SDK1: variants seen among roughly 807,000 people sequenced by gnomAD.
The protein encoded by SDK1 is sidekick cell adhesion molecule 1, also known as protein sidekick-1.
SDK1 carries 157 observed loss-of-function variants against 245.5 expected under a neutral mutation model. The observed-to-expected ratio is 0.64, with a 90% CI of 0.56 to 0.73. SDK1 has a LOEUF of 0.73. SDK1 is among the 30% of genes least tolerant of loss of function. The pLI is 0.00. For synonymous variants in SDK1, 1,647 were observed against 1,278.5 expected (o/e 1.29, Z -6.15); for missense variants, 3,583 against 3,002.3 (o/e 1.19, Z -4.52).
At chr7:3,664,795 G>T (rs559969611) in intron 4 of SDK1, among the ~76,000 whole-genome samples, 2 of 151,782 alleles carry the variant, frequency 1.3e-5, no homozygotes, top group South Asian at 2.1e-4. Flanking sequence ...CTTTTGGTCT[G>T]CTTTCAAATC....
At chr7:3,424,109 A>T (rs1161118594) in intron 1 of SDK1, among the ~76,000 whole-genome samples, 2 of 152,064 alleles carry the variant, frequency 1.3e-5, no homozygotes, top group African/African-American at 4.8e-5. Context: ...ATGGGGTTTC[A>T]CCATGTTTGC....
chr7:4,182,641 A>G (rs758016911), intron 35 of SDK1, among the ~76,000 whole-genome samples: 4 of 152,162 alleles, frequency 2.6e-5, no homozygotes, highest in Non-Finnish European at 4.4e-5. Context: ...GAAGGAACCT[A>G]TGGTCTCTGT....
chr7:4,134,098 C>T (rs755777023), intron 28 of SDK1, among the ~76,000 whole-genome samples: 7 of 152,226 alleles, frequency 4.6e-5, no homozygotes, highest in South Asian at 4.2e-4. Flanking sequence ...GAAGGGTGGA[C>T]GGAAAGTCAG....
chr7:3,676,364 C>T (rs1056502739), intron 4 of SDK1, among the ~76,000 whole-genome samples: 12 of 142,416 alleles, frequency 8.4e-5, no homozygotes, highest in Admixed American at 7.5e-5. Context: ...CTTGCTCTGT[C>T]GCCCAGGCTG....
chr7:4,136,911 G>C (rs1324683157), intron 28 of SDK1, among the ~76,000 whole-genome samples: 1 of 152,212 alleles, frequency 6.6e-6, no homozygotes, highest in African/African-American at 2.4e-5. Context: ...AAACCCACAG[G>C]CCACGGCATC....
chr7:3,780,713 A>G (rs192012173), intron 4 of SDK1, among the ~76,000 whole-genome samples: 15 of 152,238 alleles, frequency 9.9e-5, no homozygotes, highest in Admixed American at 9.8e-4. Flanking sequence ...ACCTAGCTAG[A>G]AAGCCCACCC....
intron 23 of SDK1, among the ~76,000 whole-genome samples, chr7:4,111,910 C>A (rs900201068): frequency 6.6e-6 from 1 of 152,146 alleles, no homozygotes; most frequent in Non-Finnish European, 1.5e-5. Flanking sequence ...ACATTGAACT[C>A]CACCTTCATT....
intron 1 of SDK1, among the ~76,000 whole-genome samples, chr7:3,494,820 C>T (rs771725794): frequency 3.3e-5 from 5 of 152,178 alleles, no homozygotes; most frequent in Admixed American, 6.5e-5. Flanking sequence ...TTTCTACACA[C>T]GGTTTATTTG....
chr7:4,190,650 C>CTG (rs1308596718), intron 35 of SDK1, among the ~76,000 whole-genome samples: 1 of 152,278 alleles, frequency 6.6e-6, no homozygotes, highest in Non-Finnish European at 1.5e-5. Flanking sequence ...CCACAGCAGG[C>CTG]TGTGCACAGG....
intron 5 of SDK1, among the ~76,000 whole-genome samples, chr7:3,871,718 A>G (rs1199338418): frequency 1.3e-5 from 2 of 152,168 alleles, no homozygotes; most frequent in East Asian, 1.9e-4. Flanking sequence ...AACTAAGTAT[A>G]GTGAATGACC....
chr7:3,587,947 G>T (rs1270132099), intron 1 of SDK1, among the ~76,000 whole-genome samples: 1 of 152,208 alleles, frequency 6.6e-6, no homozygotes, highest in Admixed American at 6.5e-5. Context: ...ATGGTTCATT[G>T]ATCCAATAGA....
At chr7:3,401,730 A>G (rs1255463041) in intron 1 of SDK1, among the ~76,000 whole-genome samples, 1 of 151,982 alleles carries the variant, frequency 6.6e-6, no homozygotes, top group East Asian at 1.9e-4. Flanking sequence ...CTGATGTGTA[A>G]TAATTTTGTA....
intron 1 of SDK1, among the ~76,000 whole-genome samples, chr7:3,343,399 C>G (rs1209147810): frequency 6.6e-6 from 1 of 152,116 alleles, no homozygotes; most frequent in African/African-American, 2.4e-5. Flanking sequence ...AAAGCCTATT[C>G]TAAAAGGTTA....
chr7:3,711,216 C>G (rs1247098298), intron 4 of SDK1, among the ~76,000 whole-genome samples: 1 of 152,208 alleles, frequency 6.6e-6, no homozygotes, highest in African/African-American at 2.4e-5. Context: ...TTTTGCAGAT[C>G]TCTTCTTCTC....
At chr7:3,581,721 C>T (rs1270444851) in intron 1 of SDK1, among the ~76,000 whole-genome samples, 1 of 152,136 alleles carries the variant, frequency 6.6e-6, no homozygotes, top group African/African-American at 2.4e-5. Flanking sequence ...GCAGTATTCA[C>T]AATAGCAAAG....
intron 4 of SDK1, among the ~76,000 whole-genome samples, chr7:3,690,315 T>C (rs1784408648): frequency 6.6e-6 from 1 of 152,204 alleles, no homozygotes; most frequent in Admixed American, 6.5e-5. Flanking sequence ...TATTGATTTT[T>C]TTTTACTGTA....
chr7:3,635,310 G>A (rs1302825991), intron 2 of SDK1, among the ~76,000 whole-genome samples: 1 of 152,028 alleles, frequency 6.6e-6, no homozygotes, highest in African/African-American at 2.4e-5. Flanking sequence ...TCCTTCCCTA[G>A]GAGCTCAAGA....
chr7:3,987,691 T>C (rs1421992542), intron 14 of SDK1, among the ~76,000 whole-genome samples: 1 of 152,204 alleles, frequency 6.6e-6, no homozygotes, highest in African/African-American at 2.4e-5. Context: ...CTCATGTCTG[T>C]GGGAGGTTTT....
rs1325032304 is a variant in SDK1, at chr7:3,357,053, G to C, written c.298+55169G>C. Among the ~76,000 whole-genome samples the C allele has an allele frequency of 1.7e-4, 14 of 81,288 alleles. 1 individual carries two copies. The allele number at this position is 81,288 out of a possible 152,430, so 53.3% of individuals were successfully genotyped here. The stretch of plus-strand genomic sequence containing the variant: ...CTGGGTGACAGAGCGAGACTCTCTC[G>C]AAAAAAAAAAAAAAAAAAAAAAGAT... On this transcript the variant is annotated intron_variant, in intron 1 of 44. Transcript: ENST00000404826.
Sources: allele counts gnomAD v4.1 joint callset (sites outside exome capture counted in the v4.1 genomes callset), GRCh38; gene constraint gnomAD v4.1.1; transcripts MANE v1.5; gene names NCBI Gene and HGNC (gene_info 2026-07-23, HGNC 2026-07-21).